The following GLIS1 variants were observed in gnomAD, a reference collection of about 807,000 sequenced individuals.
The protein encoded by GLIS1 is zinc finger protein GLIS1.
Under a neutral mutation model 63.8 loss-of-function variants are expected in GLIS1, and 24 were observed. The ratio of observed to expected loss-of-function variants is 0.38; its 90% confidence interval spans 0.27 to 0.53. GLIS1 has a LOEUF of 0.53. Among genes scored for constraint, GLIS1 ranks in the 20% least tolerant of loss-of-function variants. The pLI is 0.85. For missense variants in GLIS1, 1,036 were observed against 1,074.1 expected, an observed-to-expected ratio of 0.96 and a Z score of 0.50; for synonymous variants, 450 against 482.5, an observed-to-expected ratio of 0.93 and a Z score of 0.88.
intron 4 of GLIS1, among the ~76,000 whole-genome samples, chr1:53,562,603 C>A (rs925808714): frequency 1.3e-5 from 2 of 152,194 alleles, no homozygotes; most frequent in Middle Eastern, 3.2e-3. Context: ...CCACATCGCA[C>A]CACACTGCCC....
intron 2 of GLIS1, among the ~76,000 whole-genome samples, chr1:53,673,241 C>T (rs1284989275): frequency 6.6e-6 from 1 of 152,162 alleles, no homozygotes; most frequent in South Asian, 2.1e-4. Context: ...GCTAGTGGAA[C>T]GCCGCAGTGA....
At chr1:53,650,219 A>G (rs1358146654) in intron 2 of GLIS1, among the ~76,000 whole-genome samples, 3 of 152,224 alleles carry the variant, frequency 2.0e-5, no homozygotes, top group African/African-American at 7.2e-5. Flanking sequence ...TTAATGGACC[A>G]AAGGCAGTGA....
At chr1:53,572,301 C>T (rs893656032) in intron 4 of GLIS1, among the ~76,000 whole-genome samples, 1 of 152,184 alleles carries the variant, frequency 6.6e-6, no homozygotes, top group African/African-American at 2.4e-5. Flanking sequence ...TGACACCTCC[C>T]CTGTGGGTAT....
At chr1:53,585,076 GT>G (rs1172831178) in intron 4 of GLIS1, among the ~76,000 whole-genome samples, 1 of 152,090 alleles carries the variant, frequency 6.6e-6, no homozygotes, top group African/African-American at 2.4e-5. Context: ...AAATAGTTGT[GT>G]TTTTTATCCT....
chr1:53,605,744 G>A (rs993970509), intron 2 of GLIS1, among the ~76,000 whole-genome samples: 5 of 152,162 alleles, frequency 3.3e-5, no homozygotes, highest in Non-Finnish European at 4.4e-5. Flanking sequence ...ACAGGGGCCC[G>A]GATTGAAGAA....
rs549388084 is a variant in GLIS1 at position 53,511,937 on chromosome 1, C to T, written c.1884-1910G>A. Among the ~76,000 whole-genome samples, 4 of 152,358 alleles carry T rather than the reference C, an allele frequency of 2.6e-5. No individual in the cohort carries two copies. The highest frequency in any genetic ancestry group is 9.6e-5 in the African/African-American group (4 of 41,586). Reference sequence around the variant, plus strand: ...CTTGGCCCTTCTCGGTCACCCGGTGCCCAGCGCTGGGCATGGCACACAGTG... The same window carrying T: ...CTTGGCCCTTCTCGGTCACCCGGTGTCCAGCGCTGGGCATGGCACACAGTG... On this transcript the variant is annotated intron_variant, in intron 8 of 10. Transcript: ENST00000628545. The surrounding 1 kb of genome is among the most constrained non-coding windows in gnomAD (Gnocchi z 4.2).
chr1:53,680,399 A>G (rs577976678), intron 2 of GLIS1, among the ~76,000 whole-genome samples: 2 of 152,342 alleles, frequency 1.3e-5, no homozygotes, highest in South Asian at 4.1e-4. Flanking sequence ...CCCACCACTC[A>G]GTGGCACCAG....
At position 53,639,321 on chromosome 1, in the gene GLIS1, C is replaced by T. The variant is rs996742089; in HGVS notation, c.260-39043G>A. On this transcript the variant is annotated intron_variant, in intron 2 of 10. Transcript: ENST00000628545. This position sits in a 1 kb window ranked among gnomAD's most constrained non-coding sequence, Gnocchi z 4.6. ...GGGCTCCACCAGTCCCACCCTCGTT[C>T]GGAGGTGTCCCCTCCCTGCAGGCTG... Among the ~76,000 whole-genome samples the T allele has an allele frequency of 2.6e-5, 4 of 152,066 alleles. No homozygotes were observed. The highest frequency in any genetic ancestry group is 4.8e-5 in the African/African-American group (2 of 41,406).
chr1:53,583,044 T>A (rs1645101236), intron 4 of GLIS1, among the ~76,000 whole-genome samples: 1 of 152,208 alleles, frequency 6.6e-6, no homozygotes, highest in Non-Finnish European at 1.5e-5. Context: ...TAAGCCAAAC[T>A]GCCTCCCAAA....
intron 2 of GLIS1, among the ~76,000 whole-genome samples, chr1:53,648,878 A>C (rs561699783): frequency 6.6e-6 from 1 of 152,340 alleles, no homozygotes; most frequent in South Asian, 2.1e-4. Flanking sequence ...CTCTTCCGGG[A>C]ATAGTAATTA....
intron 2 of GLIS1, among the ~76,000 whole-genome samples, chr1:53,692,322 A>G (rs1646414431): frequency 6.6e-6 from 1 of 152,176 alleles, no homozygotes; most frequent in African/African-American, 2.4e-5. Context: ...ATGGCTCCCC[A>G]CTGCCTGAAG....
At chr1:53,591,161 T>C (rs796177892) in intron 4 of GLIS1, among the ~76,000 whole-genome samples, 11 of 152,362 alleles carry the variant, frequency 7.2e-5, no homozygotes, top group African/African-American at 2.6e-4. Context: ...CAGTGCATGG[T>C]AGCAGAGGCC....
chr1:53,653,514 C>G (rs1645931194), intron 2 of GLIS1, among the ~76,000 whole-genome samples: 1 of 152,218 alleles, frequency 6.6e-6, no homozygotes, highest in Non-Finnish European at 1.5e-5. Context: ...CTGCAAGTCT[C>G]TAACGTTCTC....
At chr1:53,697,333 T>A (rs556550276) in intron 2 of GLIS1, among the ~76,000 whole-genome samples, 7 of 152,216 alleles carry the variant, frequency 4.6e-5, no homozygotes, top group Non-Finnish European at 1.0e-4. Context: ...CCTCTGAGGT[T>A]CTCACTCTGC....
At chr1:53,548,730 C>T (rs988652521) in intron 4 of GLIS1, among the ~76,000 whole-genome samples, 21 of 152,232 alleles carry the variant, frequency 1.4e-4, no homozygotes, top group African/African-American at 4.8e-4. Flanking sequence ...TCCCTGTGGT[C>T]ATCCATGAAC....
intron 2 of GLIS1, among the ~76,000 whole-genome samples, chr1:53,720,816 C>T (rs4927032): frequency 0.23 from 35,649 of 152,038 alleles, 4,222 homozygotes; most frequent in African/African-American, 0.28. Flanking sequence ...CTGGGCAACA[C>T]AGTGAAACTC....
intron 4 of GLIS1, among the ~76,000 whole-genome samples, chr1:53,581,008 C>T (rs779131616): frequency 4.0e-5 from 6 of 151,896 alleles, no homozygotes; most frequent in East Asian, 2.0e-4. Context: ...TTTCCAAGAG[C>T]GAAACAGTGT....
chr1:53,573,614 C>T (rs777131763), intron 4 of GLIS1, among the ~76,000 whole-genome samples: 16 of 152,202 alleles, frequency 1.1e-4, no homozygotes, highest in Non-Finnish European at 1.5e-4. Context: ...CCATGTAACA[C>T]GTTCAACCAT....
At chr1:53,715,374 C>T (rs756272707) in intron 2 of GLIS1, among the ~76,000 whole-genome samples, 7 of 152,094 alleles carry the variant, frequency 4.6e-5, no homozygotes, top group Admixed American at 3.3e-4. Context: ...AAGGCCCTAG[C>T]GCAAGGTCAG....
Sources: allele counts gnomAD v4.1 joint callset (sites outside exome capture counted in the v4.1 genomes callset), GRCh38; gene constraint gnomAD v4.1.1; non-coding constraint Gnocchi (gnomAD v3.1); transcripts MANE v1.5; gene names NCBI Gene and HGNC (gene_info 2026-07-23, HGNC 2026-07-21).